UBE2R2: variants seen among roughly 807,000 people sequenced by gnomAD.
UBE2R2 encodes ubiquitin-conjugating enzyme E2 R2.
Under a neutral mutation model 27.8 loss-of-function variants are expected in UBE2R2, and 1 was observed. That is an observed-to-expected ratio of 0.04 (90% confidence interval 0.01 to 0.17). UBE2R2 has a LOEUF of 0.17. Ranked by LOEUF, UBE2R2 falls within the 10% of genes least tolerant of loss-of-function variation. The pLI, the probability that UBE2R2 is intolerant of heterozygous loss-of-function variation, is 1.00. For missense variants in UBE2R2, 100 were observed against 291.0 expected, an observed-to-expected ratio of 0.34 and a Z score of 4.78; for synonymous variants, 106 against 113.3, an observed-to-expected ratio of 0.94 and a Z score of 0.41.
In UBE2R2 at chr9:33,851,364, C is replaced by T. The variant is rs1278996716; in HGVS notation, c.177+33430C>T. 2.0e-5 allele frequency among the ~76,000 whole-genome samples: 3 copies of T among 152,180 alleles called. No homozygotes were observed. In the East Asian group the frequency reaches 5.8e-4, roughly 29 times the overall value. The stretch of plus-strand genomic sequence containing the variant: ...ATTATGAAGTTAATAATTCTCAGCC[C>T]CCATTTAGTTTTGTCAGTTATAATA... On this transcript the variant is annotated intron_variant, in intron 1 of 4. Coordinates refer to ENST00000263228, the MANE Select transcript of UBE2R2 (RefSeq NM_017811.4).
intron 1 of UBE2R2, among the ~76,000 whole-genome samples, chr9:33,877,869 C>CTCTCTCTCTCTCTCT (rs1554675215): frequency 4.6e-5 from 7 of 151,336 alleles, no homozygotes; most frequent in African/African-American, 1.5e-4. Flanking sequence ...CTCCGTCTTT[C>CTCTCTCTCTCTCTCT]CTCAGCCTCC....
intron 1 of UBE2R2, among the ~76,000 whole-genome samples, chr9:33,877,062 T>C (rs1264840444): frequency 2.0e-5 from 3 of 151,936 alleles, no homozygotes; most frequent in Non-Finnish European, 4.4e-5. Context: ...GAGAACAGCT[T>C]GAATTTGGGA....
chr9:33,845,221 T>TTG (rs983630956), intron 1 of UBE2R2, among the ~76,000 whole-genome samples: 9 of 151,988 alleles, frequency 5.9e-5, no homozygotes, highest in African/African-American at 2.2e-4. Flanking sequence ...TTCACTCTTG[T>TTG]TGCCCAGGCT....
At chr9:33,893,717 C>G (rs902851286) in intron 2 of UBE2R2, among the ~76,000 whole-genome samples, 3 of 152,198 alleles carry the variant, frequency 2.0e-5, no homozygotes, top group African/African-American at 7.2e-5. Flanking sequence ...ACTGCAACCT[C>G]TGCTCCTGGC....
At chr9:33,830,640 C>T (rs954315973) in intron 1 of UBE2R2, among the ~76,000 whole-genome samples, 5 of 151,454 alleles carry the variant, frequency 3.3e-5, no homozygotes, top group Admixed American at 1.3e-4. Context: ...TGGTGTTGTG[C>T]GCCTCTCATC....
At chr9:33,821,885 T>G (rs553013716) in intron 1 of UBE2R2, among the ~76,000 whole-genome samples, 8 of 152,180 alleles carry the variant, frequency 5.3e-5, no homozygotes, top group Admixed American at 5.2e-4. Context: ...TCCCAAAATG[T>G]AATCCTAATT....
At chr9:33,851,530 G>A (rs764610366) in intron 1 of UBE2R2, among the ~76,000 whole-genome samples, 1 of 152,138 alleles carries the variant, frequency 6.6e-6, no homozygotes, top group Non-Finnish European at 1.5e-5. Context: ...GGCAGTACAG[G>A]TCACTTACTT....
At chr9:33,866,392 C>A (rs903376218) in intron 1 of UBE2R2, among the ~76,000 whole-genome samples, 8 of 152,064 alleles carry the variant, frequency 5.3e-5, no homozygotes, top group African/African-American at 1.9e-4. Context: ...GTGCCTGCCA[C>A]CACGCCTGGC....
At chr9:33,823,205 C>CTAT (rs931296235) in intron 1 of UBE2R2, among the ~76,000 whole-genome samples, 1 of 150,978 alleles carries the variant, frequency 6.6e-6, no homozygotes, top group Non-Finnish European at 1.5e-5. Flanking sequence ...TGTGCCCAGC[C>CTAT]TATTATTATT....
chr9:33,867,910 C>T (rs1035850553), intron 1 of UBE2R2, among the ~76,000 whole-genome samples: 2 of 152,216 alleles, frequency 1.3e-5, no homozygotes, highest in Non-Finnish European at 2.9e-5. Context: ...CAGAGCAAGA[C>T]AGGGCCTGCC....
intron 1 of UBE2R2, among the ~76,000 whole-genome samples, chr9:33,837,652 T>A (rs1000801185): frequency 6.6e-6 from 1 of 151,810 alleles, no homozygotes; most frequent in African/African-American, 2.4e-5. Context: ...CTTGAACTCC[T>A]GAGCTCAATT....
chr9:33,838,854 G>A (rs537891625), intron 1 of UBE2R2, among the ~76,000 whole-genome samples: 2 of 151,928 alleles, frequency 1.3e-5, no homozygotes, highest in Non-Finnish European at 2.9e-5. Context: ...AGGCCGAGGT[G>A]GGTGGATCAC....
At chr9:33,912,594 A>ACT (rs1408652635) in intron 4 of UBE2R2, among the ~76,000 whole-genome samples, 1 of 151,652 alleles carries the variant, frequency 6.6e-6, no homozygotes, top group Non-Finnish European at 1.5e-5. Context: ...ACTGCACTCC[A>ACT]GCCTGGGCGA....
intron 1 of UBE2R2, among the ~76,000 whole-genome samples, chr9:33,869,459 A>G (rs1287734785): frequency 7.2e-6 from 1 of 138,388 alleles, no homozygotes; most frequent in East Asian, 2.0e-4. Flanking sequence ...TTATTTATTT[A>G]TTTTGAGACA....
At chr9:33,872,897 G>A (rs569425559) in intron 1 of UBE2R2, among the ~76,000 whole-genome samples, 2 of 150,480 alleles carry the variant, frequency 1.3e-5, no homozygotes, top group African/African-American at 2.5e-5. Context: ...ATATCAGGCC[G>A]GGCTCTGTGG....
In UBE2R2 at chr9:33,900,194, G is replaced by A. The variant is rs752384822; in HGVS notation, c.285G>A (p.Ser95=). ...NIYENGDVCI[S]ILHPPVDDPQ... Reference sequence around the variant, plus strand: ...TGTAGAATGGAGATGTATGCATTTCGATTCTTCATCCGCCTGTAGATGACC... The same window carrying A: ...TGTAGAATGGAGATGTATGCATTTCAATTCTTCATCCGCCTGTAGATGACC... The change falls in exon 3 of 5, where the codon TCG becomes TCA. Residue 95 remains serine, a synonymous_variant. Transcript: ENST00000263228. 3.7e-6 allele frequency: 6 copies of A among 1,612,542 alleles called. No homozygotes were observed. Among genetic ancestry groups the A allele is most frequent in the Admixed American group, 1.7e-5 (1 of 59,954 alleles).
intron 2 of UBE2R2, among the ~76,000 whole-genome samples, chr9:33,899,430 A>G (rs956786672): frequency 1.6e-4 from 23 of 145,592 alleles, no homozygotes; most frequent in Admixed American, 1.4e-3. Flanking sequence ...GATGGAGTGC[A>G]TTGGCGCGAT....
intron 1 of UBE2R2, chr9:33,818,726 C>T (rs924907078): frequency 1.7e-4 from 26 of 151,992 alleles, no homozygotes; most frequent in Non-Finnish European, 8.8e-5. Context: ...AAGGGTGGAA[C>T]GAGTCATGTA....
intron 1 of UBE2R2, among the ~76,000 whole-genome samples, chr9:33,861,687 A>T (rs1245133833): frequency 6.6e-6 from 1 of 151,986 alleles, no homozygotes; most frequent in African/African-American, 2.4e-5. Context: ...TAAAGGGTTT[A>T]TTTTGTGTAC....
Sources: gnomAD v4.1 joint callset for allele counts (sites outside exome capture counted in the v4.1 genomes callset) on GRCh38, gnomAD v4.1.1 for gene constraint, MANE v1.5 for transcripts, NCBI Gene and HGNC (gene_info 2026-07-23, HGNC 2026-07-21) for gene names.